HTRA3: variants seen among roughly 807,000 people sequenced by gnomAD.
HTRA3 encodes the protein HtrA serine peptidase 3.
A neutral mutation model predicts 43.2 loss-of-function variants in HTRA3; 41 were observed. The observed-to-expected ratio is 0.95, with a 90% CI of 0.74 to 1.23. HTRA3 has a LOEUF of 1.23. Ranked by LOEUF, HTRA3 falls within the 50% of genes most tolerant of loss-of-function variation. HTRA3 has a pLI of 0.00. For synonymous variants in HTRA3, 295 were observed against 287.9 expected (o/e 1.02, Z -0.25); for missense variants, 628 against 647.1 (o/e 0.97, Z 0.32).
rs750645388 is a variant in HTRA3 at position 8,270,091 on chromosome 4, C to T, written c.123C>T (p.Gly41=). Residue 41 remains glycine, a synonymous_variant, in exon 1 of 9, where the codon GGC becomes GGT. Transcript: ENST00000307358. ...GGTGTCCCAGCCCCCGCTGCCCCGG[C>T]GGCTACGTGCCCGACCTCTGCAACT... ...VSRCPSPRCP[G]GYVPDLCNCC... 8 of 1,531,064 alleles carry T rather than the reference C, an allele frequency of 5.2e-6. 1 individual carries two copies. In the South Asian group the frequency reaches 9.5e-5, roughly 18 times the overall value. 94.8% of individuals were successfully genotyped at this position (1,531,064 alleles called of 1,614,324 possible). A position where few individuals can be genotyped will look rare whatever the true frequency, so the allele number is the denominator to read the frequency against.
At chr4:8,293,206 C>T (rs1713312165) in intron 5 of HTRA3, among the ~76,000 whole-genome samples, 1 of 152,178 alleles carries the variant, frequency 6.6e-6, no homozygotes, top group South Asian at 2.1e-4. Context: ...AGGCTTTTGG[C>T]AGGGCTGAGG....
rs548807264 is a variant in HTRA3 at position 8,286,851 on chromosome 4, G to A, written c.708+68G>A. 95 of 1,215,938 alleles carry A rather than the reference G, an allele frequency of 7.8e-5. No homozygotes were observed. In the South Asian group the frequency reaches 9.2e-4, roughly 12 times the overall value. The allele number at this position is 1,215,938 out of a possible 1,614,324, so 75.3% of individuals were successfully genotyped here. A position where few individuals can be genotyped will look rare whatever the true frequency, so the allele number is the denominator to read the frequency against. On this transcript the variant is annotated intron_variant, in intron 3 of 8. Transcript: ENST00000307358. This position sits in a 1 kb window ranked among gnomAD's most constrained non-coding sequence, Gnocchi z 4.9. ...GCATGGTGGCCTCTTCCCAGACGCC[G>A]GAACCCAGAGGCAAGCTAGCCCCAC...
intron 8 of HTRA3, 69 bp downstream of exon 8, chr4:8,304,348 C>A: frequency 1.6e-6 from 2 of 1,272,912 alleles, no homozygotes; most frequent in Non-Finnish European, 1.1e-6. Context: ...GGCTGCCCCA[C>A]TGACCTCATG....
chr4:8,270,232 C>G lies in HTRA3; in HGVS notation c.264C>G (p.Ala88=). The change falls in exon 1 of 9, where the codon GCC becomes GCG. Residue 88 remains alanine (A), a synonymous_variant. Transcript: ENST00000307358. Reference sequence around the variant, plus strand: ...TATGCCGCTGCCGCTGGTCGCACGCCGTGTGTGGCACCGACGGGCACACCT... The same window carrying G: ...TATGCCGCTGCCGCTGGTCGCACGCGGTGTGTGGCACCGACGGGCACACCT... The part of the protein sequence containing the change: ...RGLCRCRWSH[A]VCGTDGHTYA... 1.3e-6 allele frequency: 2 copies of G among 1,534,082 alleles called. No individual in the cohort carries two copies. Among genetic ancestry groups the G allele is most frequent in the South Asian group, 1.2e-5 (1 of 84,030 alleles).
chr4:8,305,999 G>A lies in HTRA3; in HGVS notation c.1225G>A (p.Val409Ile), dbSNP rs930263991. 22 of 1,611,990 alleles carry A rather than the reference G, an allele frequency of 1.4e-5. No homozygotes were observed. The highest frequency in any genetic ancestry group is 6.7e-5 in the African/African-American group (5 of 74,332). The part of the protein sequence containing the change: ...RGGIQDGDII[V>I]KVNGRPLVDS... ...CGGCATCCAAGATGGTGACATCATCGTCAAGGTCAACGGGCGTCCTCTAGT... is the reference window on the plus strand; with the variant it reads ...CGGCATCCAAGATGGTGACATCATCATCAAGGTCAACGGGCGTCCTCTAGT... Residue 409 changes from valine (V) to isoleucine (I), a missense_variant, in exon 9 of 9, where the codon GTC (valine) becomes ATC (isoleucine). By Grantham distance (29) the Val-to-Ile change is conservative. Transcript: ENST00000307358.
At chr4:8,291,022 A>G (rs1359087936) in intron 3 of HTRA3, among the ~76,000 whole-genome samples, 1 of 152,208 alleles carries the variant, frequency 6.6e-6, no homozygotes, top group Non-Finnish European at 1.5e-5. Flanking sequence ...AGGTGTCTGC[A>G]GCTTTTACCA....
In HTRA3 at chr4:8,271,752, C is replaced by G. The variant is rs556112063; in HGVS notation, c.385+1399C>G. On this transcript the variant is annotated intron_variant, in intron 1 of 8. Coordinates refer to ENST00000307358, the MANE Select transcript of HTRA3 (RefSeq NM_053044.5). ...GGACAAGGCCGAACGCTGCCTGTAG[C>G]CTCTCTCATAAGGAGCTTCTGCCCA... 3.3e-5 allele frequency among the ~76,000 whole-genome samples: 5 copies of G among 152,330 alleles called. No homozygotes were observed. The East Asian group carries it at 9.6e-4, about 29-fold the overall frequency.
chr4:8,281,995 G>A (rs1294609853), intron 1 of HTRA3, among the ~76,000 whole-genome samples: 1 of 152,166 alleles, frequency 6.6e-6, no homozygotes, highest in African/African-American at 2.4e-5. Flanking sequence ...GGCTCGGAGG[G>A]ACCAGCTGGA....
chr4:8,280,345 TC>T (rs778460199), intron 1 of HTRA3, among the ~76,000 whole-genome samples: 1 of 152,028 alleles, frequency 6.6e-6, no homozygotes, highest in Non-Finnish European at 1.5e-5. Flanking sequence ...TGCCCTGGGA[TC>T]CCTCTGGGTC....
intron 5 of HTRA3, among the ~76,000 whole-genome samples, chr4:8,293,757 G>A (rs529199470): frequency 8.5e-5 from 13 of 152,234 alleles, no homozygotes; most frequent in Admixed American, 2.0e-4. Context: ...TCCCTCTCTC[G>A]GTCCCTCCAA....
At chr4:8,287,870 C>T (rs1216771902) in intron 3 of HTRA3, among the ~76,000 whole-genome samples, 1 of 152,218 alleles carries the variant, frequency 6.6e-6, no homozygotes, top group Non-Finnish European at 1.5e-5. Flanking sequence ...CTCCCTCCAG[C>T]TTGTTCTTGT....
Position 8,286,879 on chromosome 4 carries a change from T to C in HTRA3, c.708+96T>C. On this transcript the variant is annotated intron_variant, in intron 3 of 8. Transcript: ENST00000307358. The surrounding 1 kb of genome is among the most constrained non-coding windows in gnomAD (Gnocchi z 4.9). ...ACCCAGAGGCAAGCTAGCCCCACCT[T>C]CCATCAGCCAGGGGGAGGAAACTGG... 1.1e-6 allele frequency: 1 copy of C among 937,626 alleles called. No individual in the cohort carries two copies. 58.1% of individuals were successfully genotyped at this position (937,626 alleles called of 1,614,324 possible).
At position 8,282,522 on chromosome 4, in the gene HTRA3, A is replaced by G. The variant is rs757234713; in HGVS notation, c.471A>G (p.Ile157Met). The stretch of plus-strand genomic sequence containing the variant: ...AGATCGCACCAGCCGTGGTCCACAT[A>G]GAGCTCTTCCTGAGGTGGGTGAATA... ...VEKIAPAVVHIELFLRHPLFG... is the reference protein window; with the variant it reads ...VEKIAPAVVHMELFLRHPLFG... The change falls in exon 2 of 9, where the codon ATA (isoleucine) becomes ATG (methionine). Residue 157 changes from isoleucine (I) to methionine (M), a missense_variant. Transcript: ENST00000307358. The G allele has an allele frequency of 6.2e-7, 1 of 1,613,780 alleles. No homozygotes were observed. Among genetic ancestry groups the G allele is most frequent in the Admixed American group, 1.7e-5 (1 of 60,024 alleles).
Position 8,291,501 on chromosome 4 carries a change from G to T in HTRA3, c.840G>T (p.Glu280Asp). 6.2e-7 allele frequency: 1 copy of T among 1,612,700 alleles called. No homozygotes were observed. The highest frequency in any genetic ancestry group is 8.5e-7 in the Non-Finnish European group (1 of 1,179,784). ...TTGIVSTAQR[E>D]GRELGLRDSD... The stretch of plus-strand genomic sequence containing the variant: ...GCATCGTCAGCACTGCCCAGCGGGA[G>T]GGCAGGGAGCTGGGCCTCCGGGACT... Residue 280 changes from glutamate to aspartate, a missense_variant, in exon 4 of 9, where the codon GAG (glutamate) becomes GAT (aspartate). Coordinates refer to ENST00000307358, the MANE Select transcript of HTRA3 (RefSeq NM_053044.5).
chr4:8,304,360 G>A lies in HTRA3; in HGVS notation c.1196+81G>A. 3.6e-6 allele frequency: 4 copies of A among 1,097,648 alleles called. No homozygotes were observed. In the South Asian group the frequency reaches 5.5e-5, roughly 15 times the overall value. 68.0% of individuals were successfully genotyped at this position (1,097,648 alleles called of 1,614,324 possible). On this transcript the variant is annotated intron_variant, in intron 8 of 8. Coordinates refer to ENST00000307358, the MANE Select transcript of HTRA3 (RefSeq NM_053044.5). Reference sequence around the variant, plus strand: ...TGGGGCTGCCCCACTGACCTCATGTGACCTTGAGCTTCCCAGCAAAGTGAC... The same window carrying A: ...TGGGGCTGCCCCACTGACCTCATGTAACCTTGAGCTTCCCAGCAAAGTGAC...
chr4:8,286,958 A>T lies in HTRA3; in HGVS notation c.708+175A>T, dbSNP rs1713011868. ...GGTCACGGCTTGGAAAAGACCTAGAACCCAGGTCTTTGGACTCCTTGTCCT... is the reference window on the plus strand; with the variant it reads ...GGTCACGGCTTGGAAAAGACCTAGATCCCAGGTCTTTGGACTCCTTGTCCT... On this transcript the variant is annotated intron_variant, in intron 3 of 8. Coordinates refer to ENST00000307358, the MANE Select transcript of HTRA3 (RefSeq NM_053044.5). The surrounding 1 kb of genome is among the most constrained non-coding windows in gnomAD (Gnocchi z 4.9). Among the ~76,000 whole-genome samples, 1 of 151,932 alleles carries T rather than the reference A, an allele frequency of 6.6e-6. No individual in the cohort carries two copies. The highest frequency in any genetic ancestry group is 6.6e-5 in the Admixed American group (1 of 15,260).
rs1215825664 is a variant in HTRA3 at position 8,306,649 on chromosome 4, A to G, written c.*513A>G. 1 of 150,688 alleles carries G rather than the reference A, an allele frequency of 6.6e-6. No individual in the cohort carries two copies. The highest frequency in any genetic ancestry group is 1.4e-5 in the Non-Finnish European group (1 of 70,522). The allele number at this position is 150,688 out of a possible 1,614,324, so 9.3% of individuals were successfully genotyped here. On this transcript the variant is annotated 3_prime_UTR_variant, in exon 9 of 9. Coordinates refer to ENST00000307358, the MANE Select transcript of HTRA3 (RefSeq NM_053044.5). The surrounding 1 kb of genome is among the most constrained non-coding windows in gnomAD (Gnocchi z 8.9). ...CTGGGGTCCCTGGAGGACAGGTCAC[A>G]TCTGATCCCTTTGGGGTGCGGGGGT... is the stretch of plus-strand genomic sequence containing the variant.
Position 8,304,288 on chromosome 4 carries a change from T to C in HTRA3, c.1196+9T>C. The C allele has an allele frequency of 6.2e-7, 1 of 1,612,126 alleles. No homozygotes were observed. The highest frequency in any genetic ancestry group is 8.5e-7 in the Non-Finnish European group (1 of 1,178,192). ...AATTCACCTTCTCAGAGGTAGGCTCTGCCAGAGGAGATCGCTCGAGGCATG... is the reference window on the plus strand; with the variant it reads ...AATTCACCTTCTCAGAGGTAGGCTCCGCCAGAGGAGATCGCTCGAGGCATG... On this transcript the variant is annotated intron_variant, in intron 8 of 8. Coordinates refer to ENST00000307358, the MANE Select transcript of HTRA3 (RefSeq NM_053044.5).
chr4:8,275,081 G>T (rs563073846), intron 1 of HTRA3, among the ~76,000 whole-genome samples: 1 of 152,298 alleles, frequency 6.6e-6, no homozygotes, highest in African/African-American at 2.4e-5. Context: ...AGCATCTGGC[G>T]GCACTGGAGG....
Sources: gnomAD v4.1 joint callset for allele counts (sites outside exome capture counted in the v4.1 genomes callset) on GRCh38, gnomAD v4.1.1 for gene constraint, Gnocchi (gnomAD v3.1) non-coding constraint, MANE v1.5 for transcripts, NCBI Gene and HGNC (gene_info 2026-07-23, HGNC 2026-07-21) for gene names.